The following TSNARE1 variants were observed in gnomAD, a reference collection of about 807,000 sequenced individuals.
TSNARE1 encodes the protein t-SNARE domain-containing protein 1.
Under a neutral mutation model 62.0 loss-of-function variants are expected in TSNARE1, and 49 were observed. The observed-to-expected ratio is 0.79, with a 90% confidence interval of 0.63 to 1.00. The LOEUF is 1.00. Ranked by LOEUF, TSNARE1 falls within the 50% of genes least tolerant of loss-of-function variation. TSNARE1 has a pLI of 0.00. For synonymous variants in TSNARE1, 328 were observed against 294.4 expected, an observed-to-expected ratio of 1.11 and a Z score of -1.17; for missense variants, 755 against 700.1, an observed-to-expected ratio of 1.08 and a Z score of -0.88.
intron 12 of TSNARE1, among the ~76,000 whole-genome samples, chr8:142,250,641 G>A (rs1310846615): frequency 6.6e-6 from 1 of 152,234 alleles, no homozygotes; most frequent in Non-Finnish European, 1.5e-5. Flanking sequence ...TGCACCTGAA[G>A]CAGCAGCTAG....
At chr8:142,235,339 G>C (rs923167725) in intron 12 of TSNARE1, among the ~76,000 whole-genome samples, 3 of 152,000 alleles carry the variant, frequency 2.0e-5, no homozygotes, top group African/African-American at 7.3e-5. Context: ...CAGCGCCCTC[G>C]TCGGGCCATG....
intron 4 of TSNARE1, 58 bp from the exon 5 acceptor site, chr8:142,331,889 A>G: frequency 3.9e-6 from 6 of 1,519,696 alleles, no homozygotes; most frequent in Non-Finnish European, 5.4e-6. Context: ...CTGCAGGCCC[A>G]GCTCTGCTAA....
chr8:142,363,885 C>T (rs1450152934), intron 1 of TSNARE1, among the ~76,000 whole-genome samples: 1 of 152,208 alleles, frequency 6.6e-6, no homozygotes, highest in African/African-American at 2.4e-5. Context: ...CACCTGCTCA[C>T]AAGACCATAG....
chr8:142,363,456 C>A (rs956105175), intron 1 of TSNARE1, among the ~76,000 whole-genome samples: 2 of 152,148 alleles, frequency 1.3e-5, no homozygotes, highest in African/African-American at 4.8e-5. Flanking sequence ...CCTCCCCAGC[C>A]CCATGAGCCT....
intron 12 of TSNARE1, among the ~76,000 whole-genome samples, chr8:142,250,320 C>T (rs1186849826): frequency 6.6e-6 from 1 of 152,160 alleles, no homozygotes; most frequent in Non-Finnish European, 1.5e-5. Flanking sequence ...TCTAATGAGG[C>T]CTCCTCCCCT....
intron 4 of TSNARE1, among the ~76,000 whole-genome samples, 195 bp downstream of exon 4, chr8:142,343,771 A>AGAGGAGGAGGAG (rs1211571943): frequency 1.8e-5 from 1 of 56,982 alleles, no homozygotes; most frequent in Non-Finnish European, 2.7e-5. Context: ...GGAGGGGAGA[A>AGAGGAGGAGGAG]GAGGAGGAGG....
At chr8:142,257,555 C>A (rs779738124) in intron 12 of TSNARE1, among the ~76,000 whole-genome samples, 3 of 152,144 alleles carry the variant, frequency 2.0e-5, no homozygotes, top group Non-Finnish European at 4.4e-5. Flanking sequence ...TGCTTGGCTC[C>A]GGGACACTGG....
At chr8:142,361,211 C>T (rs1173066347) in intron 1 of TSNARE1, among the ~76,000 whole-genome samples, 2 of 152,370 alleles carry the variant, frequency 1.3e-5, no homozygotes, top group Non-Finnish European at 2.9e-5. Context: ...GACACAGCAG[C>T]TCCAGACAGG....
intron 11 of TSNARE1, chr8:142,276,781 G>A (rs1403329625): frequency 1.0e-6 from 1 of 985,412 alleles, no homozygotes; most frequent in East Asian, 1.1e-4. Flanking sequence ...ATGTCCTGCT[G>A]CTCCAGGGCT....
chr8:142,383,395 T>A (rs1836903582), intron 1 of TSNARE1, among the ~76,000 whole-genome samples: 1 of 150,326 alleles, frequency 6.7e-6, no homozygotes, highest in Non-Finnish European at 1.5e-5. Context: ...CAGACAGCCA[T>A]CCTCTGTGGG....
At chr8:142,365,668 G>A (rs1835498654) in intron 1 of TSNARE1, among the ~76,000 whole-genome samples, 1 of 151,614 alleles carries the variant, frequency 6.6e-6, no homozygotes, top group Non-Finnish European at 1.5e-5. Flanking sequence ...TAAACCAAAT[G>A]AGGGGACATG....
chr8:142,381,854 A>G (rs1026107478), intron 1 of TSNARE1, among the ~76,000 whole-genome samples: 10 of 152,174 alleles, frequency 6.6e-5, no homozygotes, highest in Non-Finnish European at 1.2e-4. Context: ...CATTGGGAAC[A>G]GGCAGCGCCC....
In TSNARE1 at chr8:142,385,703, T is replaced by C. The variant is rs574214443; in HGVS notation, c.-40+17401A>G. 3.9e-5 allele frequency among the ~76,000 whole-genome samples: 6 copies of C among 152,346 alleles called. No individual in the cohort carries two copies. The East Asian group carries it at 7.7e-4, about 20-fold the overall frequency. On this transcript the variant is annotated intron_variant, in intron 1 of 13. Coordinates refer to ENST00000524325, the MANE Select transcript of TSNARE1 (RefSeq NM_145003.5). ...AAGGCAAACACTGAGAAAGGTACTA[T>C]TGTCATCAAAAATTGGTGATGGGAG...
At chr8:142,298,417 G>A (rs1262085062) in intron 10 of TSNARE1, among the ~76,000 whole-genome samples, 2 of 152,090 alleles carry the variant, frequency 1.3e-5, no homozygotes, top group Admixed American at 6.5e-5. Flanking sequence ...TGGCTGCACC[G>A]GGCACGAGCC....
intron 1 of TSNARE1, among the ~76,000 whole-genome samples, chr8:142,372,594 T>C (rs990851828): frequency 6.6e-6 from 1 of 152,160 alleles, no homozygotes; most frequent in Non-Finnish European, 1.5e-5. Context: ...AAGGGGCTCC[T>C]GCCTGGGGGC....
intron 12 of TSNARE1, chr8:142,274,037 G>A (rs574296487): frequency 1.2e-4 from 121 of 985,118 alleles, no homozygotes; most frequent in South Asian, 1.2e-3. Context: ...TGGCCCAGGG[G>A]CTTCTTCTGC....
intron 7 of TSNARE1, among the ~76,000 whole-genome samples, chr8:142,316,615 C>T (rs1828561581): frequency 6.6e-6 from 1 of 151,806 alleles, no homozygotes. Flanking sequence ...ATGCCCATCA[C>T]CCCAGAAAGG....
At chr8:142,244,817 C>T (rs902204642) in intron 12 of TSNARE1, among the ~76,000 whole-genome samples, 1 of 152,204 alleles carries the variant, frequency 6.6e-6, no homozygotes, top group Non-Finnish European at 1.5e-5. Context: ...ACCTGCCACT[C>T]GCAGGGGAGC....
At chr8:142,354,176 C>A (rs1173415876) in intron 2 of TSNARE1, among the ~76,000 whole-genome samples, 1 of 152,108 alleles carries the variant, frequency 6.6e-6, no homozygotes, top group African/African-American at 2.4e-5. Flanking sequence ...CTCTGAAACA[C>A]CTAGAAATAA....
Sources: gnomAD v4.1 joint callset for allele counts (sites outside exome capture counted in the v4.1 genomes callset) on GRCh38, gnomAD v4.1.1 for gene constraint, MANE v1.5 for transcripts, NCBI Gene and HGNC (gene_info 2026-07-23, HGNC 2026-07-21) for gene names.